The following NEB variants were observed in gnomAD, a reference collection of about 807,000 sequenced individuals.
The protein encoded by NEB is nemaline myopathy type 2.
NEB carries 512 observed loss-of-function variants against 952.2 expected under a neutral mutation model. The observed-to-expected ratio is 0.54, with a 90% CI of 0.50 to 0.58. The LOEUF (loss-of-function observed/expected upper bound fraction) is 0.58, where lower values mean the gene tolerates loss of function less well. Ranked by LOEUF, NEB falls within the 20% of genes least tolerant of loss-of-function variation. NEB has a pLI of 0.00. For synonymous variants in NEB, 2,900 were observed against 3,149.8 expected (o/e 0.92, Z 2.66); for missense variants, 8,428 against 9,231.1 (o/e 0.91, Z 3.56).
chr2:151,697,531 T>G lies in NEB; in HGVS notation c.1257+13A>C, dbSNP rs75320668. On this transcript the variant is annotated intron_variant, in intron 14 of 181. Transcript: ENST00000397345. ...CTTTTTTTAACAGAAAGAGTGACAG[T>G]AGGATTGCTTACATCACTACTGAAG... The G allele has an allele frequency of 1.2e-6, 2 of 1,609,340 alleles. No individual in the cohort carries two copies. The highest frequency in any genetic ancestry group is 3.4e-5 in the Admixed American group (2 of 59,628).
Position 151,633,691 on chromosome 2 carries a change from A to T in NEB, c.9377T>A (p.Val3126Asp). The T allele has an allele frequency of 6.2e-7, 1 of 1,613,862 alleles. No homozygotes were observed. The highest frequency in any genetic ancestry group is 8.5e-7 in the Non-Finnish European group (1 of 1,179,754). The change falls in exon 65 of 182, where the codon GTC becomes GAC. Residue 3126 changes from valine (V) to aspartate (D), a missense_variant. Physicochemically the swap from Val to Asp is radical, Grantham distance 152. This residue lies in a region of NEB where 1,772 missense variants were observed against 1,960.3 expected (regional missense o/e 0.90). Coordinates refer to ENST00000397345, the MANE Select transcript of NEB (RefSeq NM_001164508.2). ...EWTCLPDQSD[V>D]IHARQAYDLQ... Reference sequence around the variant, plus strand: ...GTCATAGGCCTGCCGAGCATGGATGACATCGCTCTGGTCAGGCAGGCATGT... The same window carrying T: ...GTCATAGGCCTGCCGAGCATGGATGTCATCGCTCTGGTCAGGCAGGCATGT...
rs771767711 is a variant in NEB at position 151,518,435 on chromosome 2, C to G, written c.22696-13G>C. On this transcript the variant is annotated splice_polypyrimidine_tract_variant and intron_variant, in intron 155 of 181. Transcript: ENST00000397345. ...TCTTGTACTGGTACTGAGGGGAAGGCGGCAAAAAAGGCACATTGATGGAGA... is the reference window on the plus strand; with the variant it reads ...TCTTGTACTGGTACTGAGGGGAAGGGGGCAAAAAAGGCACATTGATGGAGA... 1.9e-6 allele frequency: 3 copies of G among 1,541,862 alleles called. No homozygotes were observed. In the African/African-American group the frequency reaches 4.1e-5, roughly 21 times the overall value.
rs201707392 is a variant in NEB at position 151,519,100 on chromosome 2, C to T, written c.22591-31G>A. ...TGTTATGGGGGAAGAAAGGAAATCACGTAAATAGGAAATGGAACAGCACTA... is the reference window on the plus strand; with the variant it reads ...TGTTATGGGGGAAGAAAGGAAATCATGTAAATAGGAAATGGAACAGCACTA... On this transcript the variant is annotated intron_variant, in intron 154 of 181. Transcript: ENST00000397345. 74 of 1,380,092 alleles carry T rather than the reference C, an allele frequency of 5.4e-5. No individual in the cohort carries two copies. In the Middle Eastern group the frequency reaches 1.1e-3, roughly 20 times the overall value. 85.5% of individuals were successfully genotyped at this position (1,380,092 alleles called of 1,614,324 possible). A position where few individuals can be genotyped will look rare whatever the true frequency, so the allele number is the denominator to read the frequency against.
intron 61 of NEB, 39 bp downstream of exon 61, chr2:151,640,316 T>C: frequency 6.3e-7 from 1 of 1,597,100 alleles, no homozygotes; most frequent in Non-Finnish European, 8.6e-7. Flanking sequence ...GTTAAATAAT[T>C]TCCCACCTCT....
intron 81 of NEB, 131 bp downstream of exon 81, chr2:151,609,678 A>C: frequency 1.4e-6 from 1 of 701,830 alleles, no homozygotes; most frequent in Non-Finnish European, 2.2e-6. Context: ...AACAATGTGA[A>C]TGGTACCCCC....
intron 73 of NEB, among the ~76,000 whole-genome samples, chr2:151,618,824 G>T (rs745668945): frequency 2.6e-5 from 4 of 152,010 alleles, no homozygotes; most frequent in Non-Finnish European, 5.9e-5. Context: ...TGAGACTGAT[G>T]GTGCGTGAGT....
chr2:151,679,667 A>AACCC, intron 32 of NEB, 54 bp downstream of exon 32: 2 of 486,366 alleles, frequency 4.1e-6, no homozygotes, highest in Non-Finnish European at 4.1e-6. Flanking sequence ...TCAGACCCCA[A>AACCC]GCCCACCCAC....
At position 151,692,311 on chromosome 2, in the gene NEB, A is replaced by G; in HGVS notation, c.1948T>C (p.Cys650Arg). Residue 650 changes from cysteine (C) to arginine (R), a missense_variant, in exon 21 of 182, where the codon TGT becomes CGT. By Grantham distance (180) the Cys-to-Arg change is radical. This residue lies in a region of NEB where 2,851 missense variants were observed against 2,791.5 expected (regional missense o/e 1.02). Coordinates refer to ENST00000397345, the MANE Select transcript of NEB (RefSeq NM_001164508.2). ...EKTKAKSMNY[C>R]ETPKYQLDTQ... ...TCAAGTTGATATTTTGGGGTCTCAC[A>G]GTAATTCATACTCTTTGCCTTTGTC... 6.8e-6 allele frequency: 11 copies of G among 1,613,836 alleles called. No individual in the cohort carries two copies. Among genetic ancestry groups the G allele is most frequent in the Non-Finnish European group, 9.3e-6 (11 of 1,179,798 alleles).
At chr2:151,515,905 C>T (rs1283294140) in intron 157 of NEB, among the ~76,000 whole-genome samples, 1 of 152,138 alleles carries the variant, frequency 6.6e-6, no homozygotes, top group Non-Finnish European at 1.5e-5. Context: ...CAAATAAGCC[C>T]ATTTCCCACT....
chr2:151,663,400 T>A (rs1013446253), intron 45 of NEB, 148 bp downstream of exon 45: 4 of 786,892 alleles, frequency 5.1e-6, no homozygotes, highest in Admixed American at 3.0e-5. Flanking sequence ...TTAAAGGACA[T>A]GAATTCAATC....
chr2:151,546,459 A>C lies in NEB; in HGVS notation c.20368-16T>G. ...TGTATTTAATCTGAGAGGCAAACAC[A>C]GAAATATAGCTGGTCATAAGCAAAT... On this transcript the variant is annotated splice_polypyrimidine_tract_variant and intron_variant, in intron 133 of 181. Coordinates refer to ENST00000397345, the MANE Select transcript of NEB (RefSeq NM_001164508.2). The C allele has an allele frequency of 6.5e-7, 1 of 1,537,140 alleles. No homozygotes were observed. The highest frequency in any genetic ancestry group is 9.0e-7 in the Non-Finnish European group (1 of 1,110,268).
chr2:151,546,380 C>G lies in NEB; in HGVS notation c.20431G>C (p.Asp6811His). The G allele has an allele frequency of 6.2e-7, 1 of 1,613,492 alleles. No individual in the cohort carries two copies. Among genetic ancestry groups the G allele is most frequent in the Non-Finnish European group, 8.5e-7 (1 of 1,179,600 alleles). Residue 6811 changes from aspartate (D) to histidine (H), a missense_variant, in exon 134 of 182, where the codon GAC becomes CAC. Around this residue, in one of 11 missense-constraint regions of NEB, gnomAD observed 3,374 missense variants for 3,651.5 expected, o/e 0.92. Coordinates refer to ENST00000397345, the MANE Select transcript of NEB (RefSeq NM_001164508.2). ...CGCAGGTGCCGGGAGCGGACCATGT[C>G]AGGAGTGTCATACAGGAAGCAGCCA... ...GFGCFLYDTP[D>H]MVRSRHLRKL...
At chr2:151,565,274 T>C in intron 116 of NEB, 126 bp from the exon 117 acceptor site, 1 of 673,022 alleles carries the variant, frequency 1.5e-6, no homozygotes, top group Non-Finnish European at 2.5e-6. Flanking sequence ...TTTTAGCCCA[T>C]TTTAGCTAAA....
In NEB at chr2:151,568,188, A is replaced by G. The variant is rs1174043675; in HGVS notation, c.17737-10T>C. ...CTTCCTTGTAGAGATACTGAAAGAC[A>G]GAGCCACCATAAAGGGTTAAAATGA... On this transcript the variant is annotated splice_polypyrimidine_tract_variant and intron_variant, in intron 112 of 181. Coordinates refer to ENST00000397345, the MANE Select transcript of NEB (RefSeq NM_001164508.2). The G allele has an allele frequency of 6.2e-7, 1 of 1,610,376 alleles. No individual in the cohort carries two copies. The highest frequency in any genetic ancestry group is 8.5e-7 in the Non-Finnish European group (1 of 1,177,172).
intron 150 of NEB, 66 bp downstream of exon 150, chr2:151,525,892 T>C: frequency 7.9e-7 from 1 of 1,259,618 alleles, no homozygotes. Flanking sequence ...CAACTGACAT[T>C]ATTTCACCAG....
At chr2:151,607,435 A>C in intron 83 of NEB, 69 bp downstream of exon 83, 1 of 854,592 alleles carries the variant, frequency 1.2e-6, no homozygotes, top group Non-Finnish European at 1.7e-6. Flanking sequence ...ATTTGTCACT[A>C]TAACACTCTC....
rs767461697 is a variant in NEB, at chr2:151,540,390, G to A, written c.20846C>T (p.Thr6949Met). The A allele has an allele frequency of 1.7e-5, 27 of 1,586,308 alleles. No homozygotes were observed. In the Admixed American group the frequency reaches 2.3e-4, roughly 14 times the overall value. The change falls in exon 138 of 182, where the codon ACG becomes ATG. Residue 6949 changes from threonine to methionine, a missense_variant. By Grantham distance (81) the Thr-to-Met change is moderately conservative (BLOSUM62 -1). Around this residue, in one of 11 missense-constraint regions of NEB, gnomAD observed 3,374 missense variants for 3,651.5 expected, o/e 0.92. Coordinates refer to ENST00000397345, the MANE Select transcript of NEB (RefSeq NM_001164508.2). ...MKDKYTPVPD[T>M]PILIRAKRAY... ...CCTCTTGGCTCTGATGAGGATTGGC[G>A]TATCTGGAACCGGAGTGTACTTGTC...
chr2:151,594,529 A>T (rs2097360576), intron 92 of NEB, among the ~76,000 whole-genome samples: 1 of 150,820 alleles, frequency 6.6e-6, no homozygotes, highest in African/African-American at 2.4e-5. Flanking sequence ...CAGGAGGGAG[A>T]TGGTATGGTG....
Position 151,682,522 on chromosome 2 carries a change from GGTAATTT to G in NEB, c.2943+133_2943+139del, listed in dbSNP as rs1489849594. On this transcript the variant is annotated intron_variant, in intron 29 of 181. Transcript: ENST00000397345. ...ATAAAGGTTTGTGCTGGTCTCCCTG[GGTAATTT>G]GTGCACGTGGTAAGCTCTTTTCCTC... 3.2e-5 allele frequency: 21 copies of G among 662,800 alleles called. No individual in the cohort carries two copies. The East Asian group carries it at 5.9e-4, about 19-fold the overall frequency. 41.1% of individuals were successfully genotyped at this position (662,800 alleles called of 1,614,324 possible). A position where few individuals can be genotyped will look rare whatever the true frequency, so the allele number is the denominator to read the frequency against.
Sources: allele counts gnomAD v4.1 joint callset (sites outside exome capture counted in the v4.1 genomes callset), GRCh38; gene constraint gnomAD v4.1.1; regional missense constraint gnomAD v4.1.1; transcripts MANE v1.5; gene names NCBI Gene and HGNC (gene_info 2026-07-23, HGNC 2026-07-21).